The following INPP5A variants were observed in gnomAD, a reference collection of about 807,000 sequenced individuals.
INPP5A encodes the protein 43 kDa inositol polyphosphate 5-phophatase.
A neutral mutation model predicts 65.2 loss-of-function variants in INPP5A; 14 were observed. The observed-to-expected ratio is 0.21, with a 90% CI of 0.14 to 0.34. INPP5A has a LOEUF of 0.34. Ranked by LOEUF, INPP5A falls within the 10% of genes least tolerant of loss-of-function variation. The probability of loss-of-function intolerance (pLI) is 1.00; values close to 1 mark genes in which losing one functional copy is unlikely to be tolerated. For missense variants in INPP5A, 431 were observed against 545.6 expected, an observed-to-expected ratio of 0.79 and a Z score of 2.09; for synonymous variants, 207 against 208.3, an observed-to-expected ratio of 0.99 and a Z score of 0.05.
chr10:132,683,476 C>T (rs1016502397), intron 4 of INPP5A, among the ~76,000 whole-genome samples: 1 of 152,144 alleles, frequency 6.6e-6, no homozygotes, highest in Non-Finnish European at 1.5e-5. Context: ...GTTTAATTCA[C>T]GTGTACATGT....
rs2072574433 is a variant in INPP5A, at chr10:132,651,366, C to T, written c.306+861C>T. On this transcript the variant is annotated intron_variant, in intron 4 of 15. Coordinates refer to ENST00000368594, the MANE Select transcript of INPP5A (RefSeq NM_005539.5). The surrounding 1 kb of genome is among the most constrained non-coding windows in gnomAD (Gnocchi z 5.0). ...CGTCTCTGGGGAGGCCCTGGGTCCC[C>T]CGGCCTGGGTCCATCTCCCCCGTCT... is the stretch of plus-strand genomic sequence containing the variant. Among the ~76,000 whole-genome samples, 2 of 140,746 alleles carry T rather than the reference C, an allele frequency of 1.4e-5. No homozygotes were observed. The highest frequency in any genetic ancestry group is 3.1e-5 in the Non-Finnish European group (2 of 63,950). 92.3% of individuals were successfully genotyped at this position (140,746 alleles called of 152,430 possible). A position where few individuals can be genotyped will look rare whatever the true frequency, so the allele number is the denominator to read the frequency against.
intron 2 of INPP5A, among the ~76,000 whole-genome samples, chr10:132,621,778 G>T (rs1388674136): frequency 1.3e-5 from 2 of 151,072 alleles, no homozygotes; most frequent in African/African-American, 4.9e-5. Context: ...CGTGAGGGGG[G>T]TATGTCTTTT....
rs1024654955 is a variant in INPP5A, at chr10:132,727,634, G to C, written c.732+729G>C. Among the ~76,000 whole-genome samples the C allele has an allele frequency of 6.6e-6, 1 of 152,192 alleles. No individual in the cohort carries two copies. The highest frequency in any genetic ancestry group is 2.1e-4 in the South Asian group (1 of 4,824). On this transcript the variant is annotated intron_variant, in intron 9 of 15. Coordinates refer to ENST00000368594, the MANE Select transcript of INPP5A (RefSeq NM_005539.5). The surrounding 1 kb of genome is among the most constrained non-coding windows in gnomAD (Gnocchi z 6.5). ...ACTTCCCGGGCAGCTGTGAAGAGGG[G>C]GGTGTGGGAAATGGTGGAGCACCTG...
rs775503942 is a variant in INPP5A, at chr10:132,762,318, C to T, written c.904-3455C>T. On this transcript the variant is annotated intron_variant, in intron 11 of 15. Coordinates refer to ENST00000368594, the MANE Select transcript of INPP5A (RefSeq NM_005539.5). The surrounding 1 kb of genome is among the most constrained non-coding windows in gnomAD (Gnocchi z 4.6). ...ACACAGACATGTCAGAGTGAAACAG[C>T]GGAACATCAAAGACGAAGAGAATAT... 5.3e-5 allele frequency among the ~76,000 whole-genome samples: 8 copies of T among 152,154 alleles called. No homozygotes were observed. The highest frequency in any genetic ancestry group is 2.1e-4 in the South Asian group (1 of 4,828).
At chr10:132,618,088 G>A (rs2072064190) in intron 2 of INPP5A, among the ~76,000 whole-genome samples, 1 of 152,148 alleles carries the variant, frequency 6.6e-6, no homozygotes, top group Non-Finnish European at 1.5e-5. Context: ...TTTAAAACAG[G>A]ATATAATGTT....
intron 1 of INPP5A, among the ~76,000 whole-genome samples, chr10:132,559,422 TCGTG>T (rs1414509976): frequency 6.6e-6 from 1 of 152,198 alleles, no homozygotes; most frequent in East Asian, 1.9e-4. Flanking sequence ...GTTCACAAGG[TCGTG>T]TGACCTTCGC....
rs1257277898 is a variant in INPP5A at position 132,550,352 on chromosome 10, C to G, written c.75+12181C>G. On this transcript the variant is annotated intron_variant, in intron 1 of 15. Transcript: ENST00000368594. This position sits in a 1 kb window ranked among gnomAD's most constrained non-coding sequence, Gnocchi z 4.2. ...GTCCCTGTCCTCTCCAGCGACCGCT[C>G]TCTCCTGGGTGTCAGTGGTTTTTGG... 3.3e-5 allele frequency among the ~76,000 whole-genome samples: 5 copies of G among 152,226 alleles called. No individual in the cohort carries two copies. Among genetic ancestry groups the G allele is most frequent in the African/African-American group, 4.8e-5 (2 of 41,458 alleles).
intron 1 of INPP5A, among the ~76,000 whole-genome samples, chr10:132,600,217 T>C (rs1470453183): frequency 6.6e-6 from 1 of 152,234 alleles, no homozygotes; most frequent in Non-Finnish European, 1.5e-5. Flanking sequence ...CTTAGAAAAC[T>C]GAATGCCTTT....
chr10:132,550,875 C>T lies in INPP5A; in HGVS notation c.75+12704C>T, dbSNP rs577324821. Among the ~76,000 whole-genome samples the T allele has an allele frequency of 3.9e-5, 6 of 152,318 alleles. No homozygotes were observed. The highest frequency in any genetic ancestry group is 1.4e-4 in the African/African-American group (6 of 41,564). On this transcript the variant is annotated intron_variant, in intron 1 of 15. Coordinates refer to ENST00000368594, the MANE Select transcript of INPP5A (RefSeq NM_005539.5). The surrounding 1 kb of genome is among the most constrained non-coding windows in gnomAD (Gnocchi z 4.2). The stretch of plus-strand genomic sequence containing the variant: ...GTTGTCTCTTTGGCCACCAACTGGC[C>T]CCTATGGCGTTTGGCCTTCAGGGTG...
chr10:132,556,445 A>G (rs771814783), intron 1 of INPP5A, among the ~76,000 whole-genome samples: 12 of 152,190 alleles, frequency 7.9e-5, no homozygotes, highest in Non-Finnish European at 1.5e-4. Flanking sequence ...CCAGTGTGCC[A>G]AGTTTCTGTA....
intron 4 of INPP5A, among the ~76,000 whole-genome samples, chr10:132,665,025 C>A (rs768828297): frequency 7.2e-5 from 11 of 152,200 alleles, no homozygotes; most frequent in Non-Finnish European, 1.5e-4. Context: ...TTCCTGAAGT[C>A]GTGGCCTGGC....
chr10:132,556,505 A>G (rs71481919), intron 1 of INPP5A, among the ~76,000 whole-genome samples: 4,400 of 152,270 alleles, frequency 0.029, 105 homozygotes, highest in Non-Finnish European at 0.049. Context: ...ACATGCATGT[A>G]CAAGCATGCA....
At chr10:132,721,084 C>A (rs1294280696) in intron 8 of INPP5A, among the ~76,000 whole-genome samples, 2 of 139,172 alleles carry the variant, frequency 1.4e-5, no homozygotes, top group African/African-American at 5.4e-5. Flanking sequence ...TTCTGTGGTA[C>A]CTGGGTTCTG....
chr10:132,550,487 G>C lies in INPP5A; in HGVS notation c.75+12316G>C, dbSNP rs936719305. 6.6e-6 allele frequency among the ~76,000 whole-genome samples: 1 copy of C among 152,240 alleles called. No homozygotes were observed. The highest frequency in any genetic ancestry group is 2.1e-4 in the South Asian group (1 of 4,838). On this transcript the variant is annotated intron_variant, in intron 1 of 15. Transcript: ENST00000368594. The surrounding 1 kb of genome is among the most constrained non-coding windows in gnomAD (Gnocchi z 4.2). Reference sequence around the variant, plus strand: ...CCTCACCACACCTGGAGCAGCGCCCGTGAGAGGAGGGAAGCGACACCCTTG... The same window carrying C: ...CCTCACCACACCTGGAGCAGCGCCCCTGAGAGGAGGGAAGCGACACCCTTG...
At chr10:132,778,424 A>G (rs927384471) in intron 13 of INPP5A, among the ~76,000 whole-genome samples, 1 of 150,396 alleles carries the variant, frequency 6.6e-6, no homozygotes, top group African/African-American at 2.5e-5. Flanking sequence ...GGCCTCCCAA[A>G]GTACCCAGAC....
chr10:132,768,166 C>A (rs552392937), intron 12 of INPP5A, among the ~76,000 whole-genome samples: 4 of 150,198 alleles, frequency 2.7e-5, no homozygotes, highest in South Asian at 2.1e-4. Context: ...GGATCCCTGA[C>A]CCTCAGCGTT....
intron 4 of INPP5A, among the ~76,000 whole-genome samples, chr10:132,686,669 T>G (rs1490605590): frequency 1.3e-5 from 2 of 152,286 alleles, no homozygotes; most frequent in Non-Finnish European, 2.9e-5. Flanking sequence ...TGGCAATTTA[T>G]TTTTCACTTA....
rs200581497 is a variant in INPP5A, at chr10:132,588,066, TTTAAATAGA to T, written c.76-19846_76-19838del. Among the ~76,000 whole-genome samples, 198 of 151,934 alleles carry T rather than the reference TTTAAATAGA, an allele frequency of 1.3e-3. 4 individuals are homozygous for T. In the East Asian group the frequency reaches 0.036, roughly 28 times the overall value. On this transcript the variant is annotated intron_variant, in intron 1 of 15. Transcript: ENST00000368594. ...ATCCTCTCTAATGATAAGTTGTCAT[TTTAAATAGA>T]TTCTAGGGTATGCAGCCCTTTTCCC...
chr10:132,624,226 C>T (rs1012220308), intron 2 of INPP5A, among the ~76,000 whole-genome samples: 1 of 152,244 alleles, frequency 6.6e-6, no homozygotes, highest in Non-Finnish European at 1.5e-5. Flanking sequence ...GCTGCTTCAC[C>T]TGTGATCCCC....
Sources: allele counts gnomAD v4.1 joint callset (sites outside exome capture counted in the v4.1 genomes callset), GRCh38; gene constraint gnomAD v4.1.1; non-coding constraint Gnocchi (gnomAD v3.1); transcripts MANE v1.5; gene names NCBI Gene and HGNC (gene_info 2026-07-23, HGNC 2026-07-21).